MCTP2: variants seen among roughly 807,000 people sequenced by gnomAD.
MCTP2 encodes the protein multiple C2 and transmembrane domain containing 2.
A neutral mutation model predicts 111.6 loss-of-function variants in MCTP2; 132 were observed. That is an observed-to-expected ratio of 1.18 (90% CI 1.03 to 1.37). The LOEUF (loss-of-function observed/expected upper bound fraction) is 1.37, where lower values mean the gene tolerates loss of function less well. MCTP2 is among the 40% of genes most tolerant of loss of function. MCTP2 has a pLI of 0.00. For missense variants in MCTP2, 1,183 were observed against 1,067.9 expected (o/e 1.11, Z -1.50); for synonymous variants, 395 against 387.7 (o/e 1.02, Z -0.22).
At chr15:94,340,689 T>C in intron 6 of MCTP2, 124 bp from the exon 7 acceptor site, 2 of 590,418 alleles carry the variant, frequency 3.4e-6, no homozygotes, top group Non-Finnish European at 3.0e-6. Flanking sequence ...ATTTTGTGCT[T>C]TCTTAACATC....
chr15:94,257,080 C>G (rs959932374), intron 1 of MCTP2, among the ~76,000 whole-genome samples: 2 of 152,190 alleles, frequency 1.3e-5, no homozygotes, highest in Non-Finnish European at 2.9e-5. Flanking sequence ...TCAGGCAGAT[C>G]TGGCTCTGTT....
chr15:94,359,840 T>C (rs2078828181), intron 10 of MCTP2, among the ~76,000 whole-genome samples: 1 of 152,128 alleles, frequency 6.6e-6, no homozygotes, highest in Admixed American at 6.5e-5. Flanking sequence ...GTTTGACTGC[T>C]TCTTGTCATT....
chr15:94,390,080 A>ACGTG (rs1400379161), intron 14 of MCTP2, among the ~76,000 whole-genome samples: 2 of 11,814 alleles, frequency 1.7e-4, no homozygotes, highest in African/African-American at 4.7e-4. Context: ...ATATATATAT[A>ACGTG]TATATATATG....
intron 1 of MCTP2, among the ~76,000 whole-genome samples, chr15:94,291,182 G>A (rs923492112): frequency 2.6e-5 from 4 of 152,204 alleles, no homozygotes; most frequent in Admixed American, 6.5e-5. Flanking sequence ...ATGACTTCTG[G>A]TCATAACTGA....
intron 1 of MCTP2, among the ~76,000 whole-genome samples, chr15:94,276,750 A>G (rs2074230734): frequency 6.6e-6 from 1 of 150,850 alleles, no homozygotes; most frequent in Admixed American, 6.6e-5. Flanking sequence ...ATAAAAGGAG[A>G]AAAGAAACAT....
chr15:94,252,959 C>T (rs1033531096), intron 1 of MCTP2, among the ~76,000 whole-genome samples: 5 of 152,114 alleles, frequency 3.3e-5, no homozygotes, highest in African/African-American at 1.2e-4. Flanking sequence ...TTTCTGGCTT[C>T]CCAGCTCATT....
chr15:94,282,521 C>G (rs1468661359), intron 1 of MCTP2, among the ~76,000 whole-genome samples: 1 of 152,190 alleles, frequency 6.6e-6, no homozygotes, highest in Non-Finnish European at 1.5e-5. Flanking sequence ...TGTCTGGATT[C>G]TGAATTCTAT....
intron 2 of MCTP2, among the ~76,000 whole-genome samples, chr15:94,305,567 GTC>G (rs2075840999): frequency 6.6e-6 from 1 of 152,146 alleles, no homozygotes; most frequent in Admixed American, 6.5e-5. Flanking sequence ...TTAGAAGTCA[GTC>G]TCTCTTGTTA....
intron 4 of MCTP2, 30 bp downstream of exon 4, chr15:94,315,667 A>G (rs2076348043): frequency 6.6e-7 from 1 of 1,510,622 alleles, no homozygotes. Flanking sequence ...TGGTGGGTGT[A>G]GCCTGGAAAC....
At chr15:94,379,677 CTCAT>C in intron 12 of MCTP2, among the ~76,000 whole-genome samples, 1 of 148,152 alleles carries the variant, frequency 6.7e-6, no homozygotes. Context: ...GCCTCTCTCT[CTCAT>C]ATATATACAA....
At chr15:94,323,254 T>G (rs1326961516) in intron 4 of MCTP2, among the ~76,000 whole-genome samples, 8 of 152,074 alleles carry the variant, frequency 5.3e-5, no homozygotes, top group Non-Finnish European at 1.2e-4. Flanking sequence ...AAAGGGGTAA[T>G]GTTGTATAGT....
intron 19 of MCTP2, among the ~76,000 whole-genome samples, chr15:94,452,861 A>T (rs1214394216): frequency 1.3e-5 from 2 of 152,232 alleles, no homozygotes; most frequent in Non-Finnish European, 2.9e-5. Flanking sequence ...TGCTAATCAT[A>T]AAGATACCTG....
rs200098413 is a variant in MCTP2, at chr15:94,479,102, GT to G, written c.*71del. On this transcript the variant is annotated 3_prime_UTR_variant, in exon 23 of 23. Transcript: ENST00000357742. ...GGTTGAGTAGACCAATGTTATGGCTGTTTCAGTGGTACCCAAGGTGTCCTTC... is the reference window on the plus strand; with the variant it reads ...GGTTGAGTAGACCAATGTTATGGCTGTTCAGTGGTACCCAAGGTGTCCTTC... The G allele has an allele frequency of 5.8e-3, 8,474 of 1,464,122 alleles. 346 individuals are homozygous for G. The African/African-American group carries it at 0.097, about 17-fold the overall frequency. The allele number at this position is 1,464,122 out of a possible 1,614,324, so 90.7% of individuals were successfully genotyped here.
In MCTP2 at chr15:94,244,085, CATATGTATACACATACAT is replaced by C. The variant is rs1225477140; in HGVS notation, c.-66+12424_-66+12441del. ...ACATATGTGTATATATTTATGCACA[CATATGTATACACATACAT>C]ATGTGTATATGTTTATATACACATG... On this transcript the variant is annotated intron_variant, in intron 1 of 22. Transcript: ENST00000357742. Among the ~76,000 whole-genome samples, 39 of 54,390 alleles carry C rather than the reference CATATGTATACACATACAT, an allele frequency of 7.2e-4. 2 individuals are homozygous for C. The highest frequency in any genetic ancestry group is 1.2e-3 in the Non-Finnish European group (24 of 20,790). 35.7% of individuals were successfully genotyped at this position (54,390 alleles called of 152,430 possible).
rs1177358476 is a variant in MCTP2 at position 94,480,002 on chromosome 15, C to G, written c.*968C>G. On this transcript the variant is annotated 3_prime_UTR_variant, in exon 23 of 23. Coordinates refer to ENST00000357742, the MANE Select transcript of MCTP2 (RefSeq NM_001385001.1). The stretch of plus-strand genomic sequence containing the variant: ...AAATACTTTGGCTGCCCAAATGTAT[C>G]TTTTGTTCCTCTTAGAAGTAAAATA... 1 of 152,080 alleles carries G rather than the reference C, an allele frequency of 6.6e-6. No homozygotes were observed. The highest frequency in any genetic ancestry group is 2.4e-5 in the African/African-American group (1 of 41,404). 9.4% of individuals were successfully genotyped at this position (152,080 alleles called of 1,614,324 possible).
chr15:94,478,521 A>G (rs1322249997), intron 22 of MCTP2, among the ~76,000 whole-genome samples: 2 of 152,096 alleles, frequency 1.3e-5, no homozygotes, highest in Non-Finnish European at 2.9e-5. Context: ...CAATTTCAGC[A>G]TTTTTTCCTC....
Position 94,440,092 on chromosome 15 carries a change from C to G in MCTP2, c.2086-84C>G, listed in dbSNP as rs547012247. 3 of 1,466,548 alleles carry G rather than the reference C, an allele frequency of 2.0e-6. No individual in the cohort carries two copies. In the African/African-American group the frequency reaches 4.2e-5, roughly 20 times the overall value. The allele number at this position is 1,466,548 out of a possible 1,614,324, so 90.8% of individuals were successfully genotyped here. On this transcript the variant is annotated intron_variant, in intron 17 of 22. Transcript: ENST00000357742. ...GTGACTAGAAAGAGTCCAATTGAAT[C>G]TCCTTACATCAATGAGTAGGAATTT... is the stretch of plus-strand genomic sequence containing the variant.
intron 19 of MCTP2, among the ~76,000 whole-genome samples, chr15:94,447,610 CAT>C (rs1052666784): frequency 2.6e-4 from 40 of 151,222 alleles, no homozygotes; most frequent in African/African-American, 7.1e-4. Context: ...CTCCTGGCCT[CAT>C]GTGATCTGCC....
intron 1 of MCTP2, among the ~76,000 whole-genome samples, chr15:94,255,884 A>AT (rs1404143883): frequency 1.3e-5 from 2 of 151,994 alleles, no homozygotes; most frequent in Admixed American, 6.6e-5. Context: ...TCTTAGGAAA[A>AT]TTTTTTTTGT....
Sources: gnomAD v4.1 joint callset for allele counts (sites outside exome capture counted in the v4.1 genomes callset) on GRCh38, gnomAD v4.1.1 for gene constraint, MANE v1.5 for transcripts, NCBI Gene and HGNC (gene_info 2026-07-23, HGNC 2026-07-21) for gene names.